Variants in DUSP15 observed in about 807,000 individuals in gnomAD.
DUSP15 encodes the protein dual specificity protein phosphatase 15.
DUSP15 carries 23 observed loss-of-function variants against 26.3 expected under a neutral mutation model. The ratio of observed to expected loss-of-function variants is 0.87; its 90% CI spans 0.63 to 1.24. The LOEUF (loss-of-function observed/expected upper bound fraction) is 1.24. Ranked by LOEUF, DUSP15 falls within the 50% of genes most tolerant of loss-of-function variation. The probability of loss-of-function intolerance (pLI) is 0.00; values close to 1 mark genes in which losing one functional copy is unlikely to be tolerated. For missense variants in DUSP15, 364 were observed against 320.6 expected, an observed-to-expected ratio of 1.14 and a Z score of -1.03; for synonymous variants, 143 against 135.5, an observed-to-expected ratio of 1.06 and a Z score of -0.39.
At chr20:31,850,562 G>C (rs185588801) in intron 7 of DUSP15, 3 of 1,571,474 alleles carry the variant, frequency 1.9e-6, no homozygotes, top group Non-Finnish European at 2.6e-6. Context: ...CCCCGCGGCC[G>C]TCCCCAGTTC....
chr20:31,862,099 C>T (rs924214562), intron 6 of DUSP15, among the ~76,000 whole-genome samples: 1 of 152,180 alleles, frequency 6.6e-6, no homozygotes, highest in African/African-American at 2.4e-5. Context: ...TGGGTACCGC[C>T]CTCAACCTGC....
intron 8 of DUSP15, chr20:31,849,506 G>T: frequency 2.6e-6 from 2 of 762,542 alleles, no homozygotes; most frequent in Non-Finnish European, 2.4e-6. Context: ...CCGTTCCCAC[G>T]CCACTCTGTT....
intron 6 of DUSP15, among the ~76,000 whole-genome samples, chr20:31,853,462 T>A (rs2062508751): frequency 6.6e-6 from 1 of 151,932 alleles, no homozygotes; most frequent in Non-Finnish European, 1.5e-5. Context: ...AGAAAATCTT[T>A]TAGGGTCAGA....
Position 31,867,126 on chromosome 20 carries a change from C to T in DUSP15, c.83G>A (p.Arg28Gln), listed in dbSNP as rs138802896. ...AGAGATGATGTGTGTGATCTTATTT[C>T]GGCCCAGCTGATCCAGGTCTTTGGC... ...IDAKDLDQLG[R>Q]NKITHIISIH... Residue 28 changes from arginine to glutamine, a missense_variant, in exon 3 of 7, where the codon CGA becomes CAA. Transcript: ENST00000339738. 7.2e-5 allele frequency: 114 copies of T among 1,591,202 alleles called. 1 individual carries two copies. In the African/African-American group the frequency reaches 1.3e-3, roughly 18 times the overall value.
Position 31,861,620 on chromosome 20 carries a change from T to C in DUSP15, c.491A>G (p.Glu164Gly). 7.7e-7 allele frequency: 1 copy of C among 1,305,870 alleles called. No individual in the cohort carries two copies. The highest frequency in any genetic ancestry group is 9.8e-7 in the Non-Finnish European group (1 of 1,017,482). The allele number at this position is 1,305,870 out of a possible 1,614,324, so 80.9% of individuals were successfully genotyped here. Residue 164 changes from glutamate to glycine, a missense_variant, in exon 7 of 7, where the codon GAG (glutamate) becomes GGG (glycine). Physicochemically the swap from Glu to Gly is moderately conservative, Grantham distance 98 (BLOSUM62 -2). Transcript: ENST00000339738. ...FGESPFRDEE[E>G]LRALLPLCKR... ...GCACAGCGGCAGCAGCGCGCGCAAC[T>C]CCTCCTCGTCGCGGAAGGGGCTCTC... is the stretch of plus-strand genomic sequence containing the variant.
At chr20:31,849,865 A>G in exon 8 of DUSP15, 2 of 1,504,074 alleles carry the variant, frequency 1.3e-6, no homozygotes, top group Middle Eastern at 1.7e-4. Context: ...CCACACGTGC[A>G]GCCAGCAGGC....
chr20:31,863,026 G>A (rs765095676), intron 5 of DUSP15, among the ~76,000 whole-genome samples: 8 of 152,150 alleles, frequency 5.3e-5, no homozygotes, highest in South Asian at 4.1e-4. Flanking sequence ...GGGATGTAGC[G>A]GGTATAAAAC....
At chr20:31,861,796 C>T (rs1425550534) in intron 6 of DUSP15, 121 bp from the exon 7 acceptor site, 2 of 767,188 alleles carry the variant, frequency 2.6e-6, no homozygotes, top group Non-Finnish European at 3.8e-6. Context: ...CCTCGCTGAG[C>T]CCCTCCCTTC....
downstream of DUSP15, among the ~76,000 whole-genome samples, chr20:31,846,982 C>T (rs1218150124): frequency 6.6e-6 from 1 of 152,134 alleles, no homozygotes; most frequent in Non-Finnish European, 1.5e-5. Flanking sequence ...GAGGCTACCC[C>T]AGCTGCAGCC....
At position 31,870,501 on chromosome 20, in the gene DUSP15, C is replaced by T. The variant is rs933332396; in HGVS notation, c.-164G>A. 6.4e-6 allele frequency: 9 copies of T among 1,397,548 alleles called. No homozygotes were observed. The highest frequency in any genetic ancestry group is 6.0e-5 in the African/African-American group (4 of 66,814). 86.6% of individuals were successfully genotyped at this position (1,397,548 alleles called of 1,614,324 possible). A position where few individuals can be genotyped will look rare whatever the true frequency, so the allele number is the denominator to read the frequency against. ...GCCCTGCCCAGCCACCGCCACCGCC[C>T]GCCGACCCCCGGCCCGGGAGGGAAA... On this transcript the variant is annotated 5_prime_UTR_variant, in exon 1 of 7. Coordinates refer to ENST00000339738, the MANE Select transcript of DUSP15 (RefSeq NM_080611.5). The surrounding 1 kb of genome is among the most constrained non-coding windows in gnomAD (Gnocchi z 6.6).
intron 2 of DUSP15, among the ~76,000 whole-genome samples, chr20:31,869,074 A>T (rs2062845195): frequency 6.6e-6 from 1 of 151,996 alleles, no homozygotes; most frequent in Non-Finnish European, 1.5e-5. Context: ...ATCTCCAGGG[A>T]CCTCTCCTCT....
intron 8 of DUSP15, chr20:31,849,048 C>A: frequency 1.5e-6 from 1 of 654,396 alleles, no homozygotes. Context: ...ACCCTAGGCC[C>A]ACTTCCACGT....
chr20:31,867,235 C>T, intron 2 of DUSP15, 82 bp from the exon 3 acceptor site: 1 of 1,262,914 alleles, frequency 7.9e-7, no homozygotes, highest in Non-Finnish European at 1.1e-6. Context: ...ACTGCCTGCC[C>T]AGCTCTCCCT....
intron 8 of DUSP15, among the ~76,000 whole-genome samples, chr20:31,849,164 T>G (rs1354853847): frequency 1.3e-5 from 2 of 152,008 alleles, no homozygotes; most frequent in Non-Finnish European, 2.9e-5. Context: ...CCATGCCCAC[T>G]GCCACTCACC....
chr20:31,848,228 G>C, exon 10 of DUSP15: 2 of 580,892 alleles, frequency 3.4e-6, no homozygotes, highest in Non-Finnish European at 5.7e-6. Context: ...GCCCAGCTGG[G>C]GGGCGGTGTG....
At chr20:31,846,475 A>AGAGAGAGG (rs71274237), downstream of DUSP15, among the ~76,000 whole-genome samples, 849 of 79,582 alleles carry the variant, frequency 0.011, 12 homozygotes, top group African/African-American at 0.061. Context: ...AGAGAGAGAG[A>AGAGAGAGG]GGAGAGAGAG....
chr20:31,866,900 G>T (rs1470542698), intron 3 of DUSP15, among the ~76,000 whole-genome samples, 171 bp downstream of exon 3: 1 of 152,170 alleles, frequency 6.6e-6, no homozygotes, highest in Non-Finnish European at 1.5e-5. Context: ...TGACCTCTCT[G>T]GGCCTCAACT....
intron 6 of DUSP15, 21 bp from the exon 7 acceptor site, chr20:31,861,696 G>A (rs1027576628): frequency 6.1e-6 from 8 of 1,321,572 alleles, no homozygotes; most frequent in African/African-American, 2.5e-5. Context: ...CGGGTGAGGT[G>A]GGCGGGGTCA....
intron 3 of DUSP15, among the ~76,000 whole-genome samples, chr20:31,865,348 G>A (rs1017346031): frequency 1.3e-5 from 2 of 152,080 alleles, no homozygotes; most frequent in Admixed American, 6.5e-5. Context: ...AAATTACATC[G>A]TAAAAAAGGT....
Sources: allele counts gnomAD v4.1 joint callset (sites outside exome capture counted in the v4.1 genomes callset), GRCh38; gene constraint gnomAD v4.1.1; non-coding constraint Gnocchi (gnomAD v3.1); transcripts MANE v1.5; gene names NCBI Gene and HGNC (gene_info 2026-07-23, HGNC 2026-07-21).